Variants in KCTD16 observed in about 807,000 individuals in gnomAD.
The protein encoded by KCTD16 is potassium channel tetramerization domain containing 16, also known as BTB/POZ domain-containing protein KCTD16.
KCTD16 carries 13 observed loss-of-function variants against 33.2 expected under a neutral mutation model. The ratio of observed to expected loss-of-function variants is 0.39; its 90% confidence interval spans 0.25 to 0.62. The LOEUF is 0.62. Ranked by LOEUF, KCTD16 falls within the 20% of genes least tolerant of loss-of-function variation. KCTD16 has a pLI of 0.50. For missense variants in KCTD16, 441 were observed against 525.1 expected, an observed-to-expected ratio of 0.84 and a Z score of 1.57; for synonymous variants, 197 against 195.3, an observed-to-expected ratio of 1.01 and a Z score of -0.07.
intron 2 of KCTD16, among the ~76,000 whole-genome samples, chr5:144,186,426 T>C (rs1459113401): frequency 6.6e-6 from 1 of 151,742 alleles, no homozygotes; most frequent in Non-Finnish European, 1.5e-5. Context: ...TGGTTTAAAG[T>C]TTAAATAAAA....
chr5:144,392,516 G>A (rs1752473047), intron 3 of KCTD16, among the ~76,000 whole-genome samples: 1 of 152,208 alleles, frequency 6.6e-6, no homozygotes, highest in African/African-American at 2.4e-5. Flanking sequence ...GTGACCAGAT[G>A]AGAGGTGGAC....
At chr5:144,370,220 C>T (rs755207279) in intron 3 of KCTD16, among the ~76,000 whole-genome samples, 22 of 152,006 alleles carry the variant, frequency 1.4e-4, no homozygotes, top group Non-Finnish European at 2.8e-4. Flanking sequence ...CTGTGAATGT[C>T]GTGGCAGCTA....
chr5:144,400,608 A>G (rs1752681663), intron 3 of KCTD16, among the ~76,000 whole-genome samples: 1 of 152,196 alleles, frequency 6.6e-6, no homozygotes, highest in East Asian at 1.9e-4. Context: ...AACACCATCT[A>G]TGTGCCAGGC....
intron 3 of KCTD16, among the ~76,000 whole-genome samples, chr5:144,344,133 T>C (rs1752720074): frequency 6.6e-6 from 1 of 152,126 alleles, no homozygotes; most frequent in African/African-American, 2.4e-5. Context: ...TAATAAATAG[T>C]GCTGGGAAAA....
At chr5:144,240,659 C>T (rs1469352988) in intron 3 of KCTD16, among the ~76,000 whole-genome samples, 2 of 152,158 alleles carry the variant, frequency 1.3e-5, no homozygotes, top group Non-Finnish European at 2.9e-5. Context: ...ATTTAATCCT[C>T]ACGTCTCCTT....
intron 3 of KCTD16, among the ~76,000 whole-genome samples, chr5:144,337,831 C>G (rs140647244): frequency 1.1e-3 from 174 of 152,142 alleles, no homozygotes; most frequent in African/African-American, 4.1e-3. Flanking sequence ...AGAACAAGAC[C>G]TTTAGAGCCA....
intron 3 of KCTD16, among the ~76,000 whole-genome samples, chr5:144,452,125 A>G (rs1332484674): frequency 6.9e-6 from 1 of 143,972 alleles, no homozygotes; most frequent in Non-Finnish European, 1.5e-5. Flanking sequence ...TGCTCCCAAA[A>G]CACATTAAAT....
intron 3 of KCTD16, among the ~76,000 whole-genome samples, chr5:144,417,298 T>C (rs116310069): frequency 0.07 from 10,665 of 152,092 alleles, 530 homozygotes; most frequent in East Asian, 0.17. Context: ...TAAAAATATA[T>C]TATTATACTT....
chr5:144,336,515 C>G lies in KCTD16; in HGVS notation c.832+128969C>G, dbSNP rs577378744. 2.0e-5 allele frequency among the ~76,000 whole-genome samples: 3 copies of G among 152,284 alleles called. No homozygotes were observed. In the South Asian group the frequency reaches 6.2e-4, roughly 32 times the overall value. Reference sequence around the variant, plus strand: ...CAGCTTGAAAATACTTCAGAAACCTCTTTGCCCCTGGTCCCATGCCTGATG... The same window carrying G: ...CAGCTTGAAAATACTTCAGAAACCTGTTTGCCCCTGGTCCCATGCCTGATG... On this transcript the variant is annotated intron_variant, in intron 3 of 3. Coordinates refer to ENST00000512467, the MANE Select transcript of KCTD16 (RefSeq NM_020768.4).
chr5:144,291,716 T>TA (rs1755900200), intron 3 of KCTD16, among the ~76,000 whole-genome samples: 1 of 152,190 alleles, frequency 6.6e-6, no homozygotes, highest in Non-Finnish European at 1.5e-5. Flanking sequence ...TAACATGAGA[T>TA]AAAATTCAGC....
intron 3 of KCTD16, among the ~76,000 whole-genome samples, chr5:144,318,357 T>C (rs1751981731): frequency 6.6e-6 from 1 of 152,126 alleles, no homozygotes. Context: ...TTGTTACCAG[T>C]GAGACTATCA....
Position 144,474,137 on chromosome 5 carries a change from G to T in KCTD16, c.*23G>T. The T allele has an allele frequency of 7.3e-7, 1 of 1,360,680 alleles. No homozygotes were observed. Among genetic ancestry groups the T allele is most frequent in the Non-Finnish European group, 9.9e-7 (1 of 1,011,826 alleles). The allele number at this position is 1,360,680 out of a possible 1,614,324, so 84.3% of individuals were successfully genotyped here. On this transcript the variant is annotated 3_prime_UTR_variant, in exon 4 of 4. Coordinates refer to ENST00000512467, the MANE Select transcript of KCTD16 (RefSeq NM_020768.4). ...TAAGGGAGGGCTGGGGGCGGGAAAA[G>T]AAAAAAAAAAGTCATTTTGAAATTA... is the stretch of plus-strand genomic sequence containing the variant.
At chr5:144,333,852 A>G (rs1413476703) in intron 3 of KCTD16, among the ~76,000 whole-genome samples, 1 of 152,182 alleles carries the variant, frequency 6.6e-6, no homozygotes, top group Non-Finnish European at 1.5e-5. Context: ...ATGAAGAACT[A>G]GGTCCATCAG....
At chr5:144,413,054 T>C (rs1270820246) in intron 3 of KCTD16, among the ~76,000 whole-genome samples, 3 of 152,242 alleles carry the variant, frequency 2.0e-5, no homozygotes, top group Admixed American at 2.0e-4. Context: ...GTTACACTGA[T>C]TTGATCTTTA....
intron 2 of KCTD16, among the ~76,000 whole-genome samples, chr5:144,180,738 G>A (rs1561520527): frequency 6.6e-6 from 1 of 152,150 alleles, no homozygotes; most frequent in African/African-American, 2.4e-5. Context: ...TCTTCATGTG[G>A]TACGGGCTTC....
intron 3 of KCTD16, among the ~76,000 whole-genome samples, chr5:144,233,226 T>C (rs1236014228): frequency 6.6e-6 from 1 of 152,156 alleles, no homozygotes. Flanking sequence ...GGGTCTTCCA[T>C]CATAAGTTAA....
chr5:144,354,528 T>C (rs1299544717), intron 3 of KCTD16, among the ~76,000 whole-genome samples: 2 of 152,284 alleles, frequency 1.3e-5, no homozygotes, highest in Non-Finnish European at 2.9e-5. Flanking sequence ...CCTTAGAGCC[T>C]CTAAACTCTG....
At chr5:144,201,683 C>A (rs1255739166) in intron 2 of KCTD16, among the ~76,000 whole-genome samples, 10 of 152,198 alleles carry the variant, frequency 6.6e-5, no homozygotes, top group Non-Finnish European at 1.5e-4. Flanking sequence ...TTCAAAGTCA[C>A]ACAGCCAGCC....
chr5:144,483,209 A>G lies in KCTD16; in HGVS notation c.*9095A>G, dbSNP rs1384424923. ...AAATGAACAGTGATAATGTTTAAGA[A>G]GAAAAAGAAAAATGTAGGTGTATGA... On this transcript the variant is annotated 3_prime_UTR_variant, in exon 4 of 4. Transcript: ENST00000512467. 6 of 151,554 alleles carry G rather than the reference A, an allele frequency of 4.0e-5. No individual in the cohort carries two copies. Among genetic ancestry groups the G allele is most frequent in the African/African-American group, 1.5e-4 (6 of 41,348 alleles). 9.4% of individuals were successfully genotyped at this position (151,554 alleles called of 1,614,324 possible).
Sources: gnomAD v4.1 joint callset for allele counts (sites outside exome capture counted in the v4.1 genomes callset) on GRCh38, gnomAD v4.1.1 for gene constraint, MANE v1.5 for transcripts, NCBI Gene and HGNC (gene_info 2026-07-23, HGNC 2026-07-21) for gene names.